Variants in VWA2 observed in about 807,000 individuals in gnomAD.
VWA2 encodes von Willebrand factor A domain-containing protein 2.
Under a neutral mutation model 70.4 loss-of-function variants are expected in VWA2, and 73 were observed. That is an observed-to-expected ratio of 1.04 (90% CI 0.86 to 1.26). The LOEUF is 1.26. Ranked by LOEUF, VWA2 falls within the 50% of genes most tolerant of loss-of-function variation. The pLI is 0.00. For synonymous variants in VWA2, 407 were observed against 423.3 expected (o/e 0.96, Z 0.47); for missense variants, 1,011 against 998.5 (o/e 1.01, Z -0.17).
intron 5 of VWA2, among the ~76,000 whole-genome samples, chr10:114,265,780 C>A (rs1448641677): frequency 6.6e-6 from 1 of 152,200 alleles, no homozygotes; most frequent in South Asian, 2.1e-4. Context: ...GTCTGCTCTT[C>A]TGGGGCTGTG....
rs1564740996 is a variant in VWA2, at chr10:114,286,120, G to A, written c.1179G>A (p.Val393=). Residue 393 remains valine (V), a synonymous_variant, in exon 11 of 14, where the codon GTG becomes GTA. Transcript: ENST00000392982. ...GVATYSRELL[V]AVPVGEYQDV... ...CCACATACAGCAGGGAGCTGCTGGT[G>A]GCGGTGCCTGTGGGGGAGTACCAGG... The A allele has an allele frequency of 3.7e-6, 6 of 1,614,034 alleles. No homozygotes were observed. Among genetic ancestry groups the A allele is most frequent in the Non-Finnish European group, 4.2e-6 (5 of 1,180,034 alleles).
At chr10:114,264,700 TGAGCC>T (rs2037524243) in intron 5 of VWA2, among the ~76,000 whole-genome samples, 1 of 152,008 alleles carries the variant, frequency 6.6e-6, no homozygotes, top group Non-Finnish European at 1.5e-5. Context: ...ATTACAGGCG[TGAGCC>T]ACTGTGCTCG....
intron 5 of VWA2, among the ~76,000 whole-genome samples, chr10:114,263,249 A>G (rs2037483607): frequency 6.6e-6 from 1 of 151,368 alleles, no homozygotes; most frequent in Non-Finnish European, 1.5e-5. Flanking sequence ...TGCTGAGCTC[A>G]AGCAATCCAC....
intron 3 of VWA2, 107 bp downstream of exon 3, chr10:114,253,832 TC>T (rs2037260959): frequency 9.3e-7 from 1 of 1,079,916 alleles, no homozygotes; most frequent in African/African-American, 1.6e-5. Flanking sequence ...TTTCCCATCT[TC>T]CTTTCATGCT....
At chr10:114,241,656 C>T (rs967688546) in intron 1 of VWA2, among the ~76,000 whole-genome samples, 7 of 152,140 alleles carry the variant, frequency 4.6e-5, no homozygotes, top group Non-Finnish European at 7.3e-5. Flanking sequence ...CTCACATCCT[C>T]AGTACCTGGA....
At chr10:114,276,381 G>T (rs894980775) in intron 6 of VWA2, among the ~76,000 whole-genome samples, 5 of 152,348 alleles carry the variant, frequency 3.3e-5, no homozygotes, top group African/African-American at 1.2e-4. Context: ...AGAGAGCCTT[G>T]GTCTGCTCTT....
rs1399895503 is a variant in VWA2, at chr10:114,286,379, A to T, written c.1438A>T (p.Ser480Cys). The change falls in exon 11 of 14, where the codon AGT (serine) becomes TGT (cysteine). Residue 480 changes from serine to cysteine, a missense_variant. Transcript: ENST00000392982. ...AGAGCTGCTCCTGCTGGGTGTAGGC[A>T]GTGAGGCCGTGCGGGCAGAGCTGGA... ...ARELLLLGVG[S>C]EAVRAELEEI... The T allele has an allele frequency of 6.2e-7, 1 of 1,613,784 alleles. No homozygotes were observed. Among genetic ancestry groups the T allele is most frequent in the African/African-American group, 1.3e-5 (1 of 74,950 alleles).
chr10:114,283,209 G>A (rs1006049268), intron 9 of VWA2, among the ~76,000 whole-genome samples: 3 of 152,132 alleles, frequency 2.0e-5, no homozygotes, highest in African/African-American at 7.2e-5. Context: ...TGTTACTCCC[G>A]ATGAGTAGCC....
chr10:114,282,442 G>A (rs2038266908), intron 8 of VWA2, 74 bp from the exon 9 acceptor site: 3 of 1,222,402 alleles, frequency 2.5e-6, no homozygotes, highest in Non-Finnish European at 3.6e-6. Flanking sequence ...TTTTGGTGTT[G>A]TAAATCATCT....
chr10:114,282,476 A>C (rs763955736), intron 8 of VWA2, 40 bp from the exon 9 acceptor site: 1 of 1,562,032 alleles, frequency 6.4e-7, no homozygotes, highest in South Asian at 1.1e-5. Flanking sequence ...CTCCCCTTAC[A>C]CCTCTGATCT....
intron 4 of VWA2, among the ~76,000 whole-genome samples, chr10:114,260,576 C>T (rs2037424520): frequency 6.6e-6 from 1 of 152,154 alleles, no homozygotes; most frequent in Non-Finnish European, 1.5e-5. Flanking sequence ...TCTGCGGCAG[C>T]CCCAGTTGGG....
chr10:114,290,330 G>A lies in VWA2; in HGVS notation c.2213G>A (p.Cys738Tyr). The A allele has an allele frequency of 6.4e-7, 1 of 1,550,636 alleles. No homozygotes were observed. The highest frequency in any genetic ancestry group is 8.7e-7 in the Non-Finnish European group (1 of 1,146,992). ...VLQNGSYRCK[C>Y]RDGWEGPHCE... ...CAGAATGGGAGCTACCGCTGCAAGTGTCGGGATGGCTGGGAGGGCCCCCAC... is the reference window on the plus strand; with the variant it reads ...CAGAATGGGAGCTACCGCTGCAAGTATCGGGATGGCTGGGAGGGCCCCCAC... Residue 738 changes from cysteine (C) to tyrosine (Y), a missense_variant, in exon 13 of 14, where the codon TGT becomes TAT. Coordinates refer to ENST00000392982, the MANE Select transcript of VWA2 (RefSeq NM_001272046.2).
intron 9 of VWA2, among the ~76,000 whole-genome samples, chr10:114,283,135 AC>A (rs1329513924): frequency 6.6e-6 from 1 of 152,040 alleles, no homozygotes; most frequent in Non-Finnish European, 1.5e-5. Context: ...GGTGCTAGTG[AC>A]CCCACTGACC....
intron 11 of VWA2, 104 bp downstream of exon 11, chr10:114,286,615 G>T: frequency 2.0e-6 from 2 of 1,007,824 alleles, no homozygotes; most frequent in Non-Finnish European, 2.8e-6. Context: ...TCTTCTAGGG[G>T]CTGAAACCAC....
rs1377713276 is a variant in VWA2 at position 114,278,010 on chromosome 10, C to G, written c.663C>G (p.Thr221=). The G allele has an allele frequency of 2.5e-6, 4 of 1,612,870 alleles. No individual in the cohort carries two copies. The highest frequency in any genetic ancestry group is 3.3e-5 in the Admixed American group (2 of 60,002). The change falls in exon 7 of 14, where the codon ACC becomes ACG. Residue 221 remains threonine, a synonymous_variant. Coordinates refer to ENST00000392982, the MANE Select transcript of VWA2 (RefSeq NM_001272046.2). ...ATGCCACCAACGGCCTCTTCAGCAC[C>G]CTCAGCAGCTCGGCCATCTGCTCCA... The part of the protein sequence containing the change: ...VEDATNGLFS[T]LSSSAICSSA...
chr10:114,249,126 G>A lies in VWA2; in HGVS notation c.52+361G>A, dbSNP rs377008855. Among the ~76,000 whole-genome samples the A allele has an allele frequency of 1.8e-3, 271 of 152,062 alleles. 2 individuals are homozygous for A. The highest frequency in any genetic ancestry group is 6.1e-3 in the African/African-American group (254 of 41,448). On this transcript the variant is annotated intron_variant, in intron 2 of 13. Transcript: ENST00000392982. ...CTGCACCTATCAACCCATCACTTAG[G>A]TATTGAGCCCAGCAGGCATTAGCTA...
In VWA2 at chr10:114,291,589, A is replaced by G. The variant is rs2133749277; in HGVS notation, c.*352A>G. 1 of 247,946 alleles carries G rather than the reference A, an allele frequency of 4.0e-6. No individual in the cohort carries two copies. 15.4% of individuals were successfully genotyped at this position (247,946 alleles called of 1,614,324 possible). A position where few individuals can be genotyped will look rare whatever the true frequency, so the allele number is the denominator to read the frequency against. On this transcript the variant is annotated 3_prime_UTR_variant, in exon 14 of 14. Transcript: ENST00000392982. ...TAAACAAGGGGTCCTGAAGACTTAA[A>G]TTTAGCGGCCTGACGTTCCTTTGCA...
chr10:114,289,632 C>T (rs979952261), intron 12 of VWA2, 143 bp downstream of exon 12: 4 of 884,072 alleles, frequency 4.5e-6, no homozygotes, highest in Non-Finnish European at 7.1e-6. Context: ...TGCTAAACCC[C>T]ATGCTCACAT....
chr10:114,248,800 G>C, intron 2 of VWA2, 35 bp downstream of exon 2: 1 of 1,597,228 alleles, frequency 6.3e-7, no homozygotes, highest in South Asian at 1.1e-5. Context: ...GGAAGTACTG[G>C]CGTGTTGAGT....
Sources: allele counts gnomAD v4.1 joint callset (sites outside exome capture counted in the v4.1 genomes callset), GRCh38; gene constraint gnomAD v4.1.1; transcripts MANE v1.5; gene names NCBI Gene and HGNC (gene_info 2026-07-23, HGNC 2026-07-21).